FAAH2: variants seen among roughly 807,000 people sequenced by gnomAD.
FAAH2 encodes the protein fatty-acid amide hydrolase 2.
FAAH2 carries 60 observed loss-of-function variants against 36.9 expected under a neutral mutation model. The observed-to-expected ratio is 1.63, with a 90% CI of 1.32 to 2.02. The LOEUF is 2.02. Among genes scored for constraint, FAAH2 ranks in the 30% most tolerant of loss-of-function variants. The pLI is 0.00. For missense variants in FAAH2, 689 were observed against 397.5 expected (o/e 1.73, Z -6.23); for synonymous variants, 214 against 143.8 (o/e 1.49, Z -3.49).
chrX:57,404,975 G>A (rs2055530276), intron 7 of FAAH2, among the ~76,000 whole-genome samples: 1 of 111,677 alleles, frequency 9.0e-6, no homozygotes, highest in Admixed American at 9.5e-5. Flanking sequence ...CTGGTTCCAG[G>A]CAGACCAACA....
At chrX:57,396,347 C>A (rs773153329) in intron 7 of FAAH2, among the ~76,000 whole-genome samples, 1 of 92,960 alleles carries the variant, frequency 1.1e-5, no homozygotes, top group East Asian at 3.3e-4. Flanking sequence ...TTAGTTATTT[C>A]TTTTATTCTG....
At chrX:57,157,965 C>T in the FAAH2 span, among the ~76,000 whole-genome samples, 2 of 110,684 alleles carry the variant, frequency 1.8e-5, no homozygotes, top group Non-Finnish European at 3.8e-5. Flanking sequence ...CATCATTTAA[C>T]ATTAGGTATA....
At chrX:57,122,012 C>A in the FAAH2 span, 1 of 112,070 alleles carries the variant, frequency 8.9e-6, no homozygotes, top group African/African-American at 3.2e-5. Flanking sequence ...TTTTTGCTGA[C>A]TGATATTTCC....
At chrX:57,370,769 C>G (rs1291331123) in intron 5 of FAAH2, among the ~76,000 whole-genome samples, 2 of 111,592 alleles carry the variant, frequency 1.8e-5, no homozygotes, top group Non-Finnish European at 3.8e-5. Flanking sequence ...GGAGCATGAA[C>G]CCTTTTGTGA....
intron 2 of FAAH2, among the ~76,000 whole-genome samples, chrX:57,305,317 A>G (rs7473897): frequency 0.028 from 3,150 of 110,817 alleles, 128 homozygotes; most frequent in African/African-American, 0.099. Context: ...ATTTCAGTGA[A>G]TGACATTGCC....
the FAAH2 span, among the ~76,000 whole-genome samples, chrX:57,163,117 G>C: frequency 3.6e-5 from 4 of 111,818 alleles, no homozygotes; most frequent in African/African-American, 1.3e-4. Flanking sequence ...GGAATACCCT[G>C]CCCTGTGAGG....
chrX:57,277,552 A>T, the FAAH2 span, among the ~76,000 whole-genome samples: 1 of 112,108 alleles, frequency 8.9e-6, no homozygotes, highest in African/African-American at 3.2e-5. Flanking sequence ...TATTCAACAT[A>T]GTGTTGGAAG....
the FAAH2 span, among the ~76,000 whole-genome samples, chrX:57,256,907 GA>G: frequency 1.8e-5 from 2 of 112,158 alleles, no homozygotes; most frequent in Non-Finnish European, 3.8e-5. Flanking sequence ...CTTCTCAAAA[GA>G]AGAAATTTAT....
intron 10 of FAAH2, among the ~76,000 whole-genome samples, chrX:57,460,870 A>T (rs2056945794): frequency 8.9e-6 from 1 of 111,821 alleles, no homozygotes; most frequent in Admixed American, 9.5e-5. Context: ...TTGGATAAAG[A>T]GTCGAGACCC....
intron 7 of FAAH2, among the ~76,000 whole-genome samples, chrX:57,399,589 C>T (rs1011329805): frequency 8.1e-5 from 9 of 111,246 alleles, no homozygotes; most frequent in African/African-American, 1.6e-4. Flanking sequence ...CTTCAATATC[C>T]ACTTGGCGGT....
At chrX:57,142,976 A>G in the FAAH2 span, among the ~76,000 whole-genome samples, 1 of 110,748 alleles carries the variant, frequency 9.0e-6, no homozygotes, top group Non-Finnish European at 1.9e-5. Context: ...TCCATTCTTT[A>G]ATTTTAGGTC....
chrX:57,255,822 T>C, the FAAH2 span, among the ~76,000 whole-genome samples: 2 of 111,367 alleles, frequency 1.8e-5, no homozygotes, highest in Non-Finnish European at 3.8e-5. Context: ...CGATATCATA[T>C]CAAATGGGCA....
At chrX:57,230,328 A>G in the FAAH2 span, among the ~76,000 whole-genome samples, 1 of 112,426 alleles carries the variant, frequency 8.9e-6, no homozygotes, top group South Asian at 3.6e-4. Context: ...GAAAGGTGGT[A>G]TCAAAGAAAC....
intron 8 of FAAH2, among the ~76,000 whole-genome samples, chrX:57,445,640 T>A (rs1029067108): frequency 7.1e-5 from 8 of 111,912 alleles, no homozygotes; most frequent in African/African-American, 2.3e-4. Flanking sequence ...AGGCCTGTTA[T>A]TGGGGACTTC....
intron 10 of FAAH2, among the ~76,000 whole-genome samples, chrX:57,458,659 G>A (rs1220741127): frequency 8.9e-6 from 1 of 112,036 alleles, no homozygotes; most frequent in Non-Finnish European, 1.9e-5. Flanking sequence ...GGACTGGTTA[G>A]GCAGTGGGTG....
chrX:57,329,813 C>T (rs1163256387), intron 3 of FAAH2, among the ~76,000 whole-genome samples: 3 of 111,436 alleles, frequency 2.7e-5, no homozygotes, highest in Non-Finnish European at 5.6e-5. Flanking sequence ...GTGAAGATTT[C>T]GTGGACATTT....
chrX:57,387,103 A>T (rs1189589531), intron 7 of FAAH2, among the ~76,000 whole-genome samples: 1 of 111,844 alleles, frequency 8.9e-6, no homozygotes, highest in East Asian at 2.8e-4. Flanking sequence ...TTTTCCAGAA[A>T]GCATTTTATA....
intron 10 of FAAH2, among the ~76,000 whole-genome samples, chrX:57,449,727 C>T (rs1364087175): frequency 9.0e-6 from 1 of 110,641 alleles, no homozygotes; most frequent in Non-Finnish European, 1.9e-5. Flanking sequence ...AATGCAATGG[C>T]ACAAGCTCGG....
intron 8 of FAAH2, among the ~76,000 whole-genome samples, chrX:57,441,104 A>G (rs1408446077): frequency 9.0e-6 from 1 of 111,354 alleles, no homozygotes; most frequent in Non-Finnish European, 1.9e-5. Flanking sequence ...TGGTATCAGG[A>G]TGATGTTGGC....
Sources: allele counts gnomAD v4.1 joint callset (sites outside exome capture counted in the v4.1 genomes callset), GRCh38; gene constraint gnomAD v4.1.1; transcripts MANE v1.5; gene names NCBI Gene and HGNC (gene_info 2026-07-23, HGNC 2026-07-21).